The following NAV3 variants were observed in gnomAD, a reference collection of about 807,000 sequenced individuals.
The protein encoded by NAV3 is pore membrane and/or filament interacting like protein 1.
NAV3 carries 87 observed loss-of-function variants against 244.7 expected under a neutral mutation model. That is an observed-to-expected ratio of 0.36 (90% confidence interval 0.30 to 0.42). NAV3 has a LOEUF of 0.42. Ranked by LOEUF, NAV3 falls within the 20% of genes least tolerant of loss-of-function variation. NAV3 has a pLI of 1.00. For synonymous variants in NAV3, 1,126 were observed against 1,042.2 expected, an observed-to-expected ratio of 1.08 and a Z score of -1.55; for missense variants, 2,663 against 2,893.3, an observed-to-expected ratio of 0.92 and a Z score of 1.83.
intron 2 of NAV3, among the ~76,000 whole-genome samples, chr12:77,578,449 T>C (rs1869198563): frequency 6.6e-6 from 1 of 152,156 alleles, no homozygotes; most frequent in South Asian, 2.1e-4. Flanking sequence ...CTAACTCCCT[T>C]CCCAGTATTT....
intron 30 of NAV3, among the ~76,000 whole-genome samples, chr12:78,181,846 CAGA>C (rs1958512072): frequency 6.6e-6 from 1 of 151,882 alleles, no homozygotes; most frequent in African/African-American, 2.4e-5. Context: ...TATTAAAATA[CAGA>C]AGGAGAAGGA....
chr12:78,059,676 AT>A (rs34356750), intron 12 of NAV3, among the ~76,000 whole-genome samples: 17 of 151,276 alleles, frequency 1.1e-4, no homozygotes, highest in South Asian at 2.1e-4. Context: ...GGCTGGGGAG[AT>A]TTTTTTTTAA....
chr12:77,961,544 AT>A (rs1223558930), intron 3 of NAV3, among the ~76,000 whole-genome samples: 5 of 144,598 alleles, frequency 3.5e-5, no homozygotes, highest in Non-Finnish European at 4.5e-5. Flanking sequence ...ATATAACTGT[AT>A]ATGTAATATA....
At chr12:77,782,530 T>C (rs1310721793) in intron 2 of NAV3, among the ~76,000 whole-genome samples, 1 of 151,342 alleles carries the variant, frequency 6.6e-6, no homozygotes, top group Non-Finnish European at 1.5e-5. Flanking sequence ...TGACCAGTTA[T>C]AGTCATGATG....
chr12:78,007,420 G>A lies in NAV3; in HGVS notation c.1882G>A (p.Ala628Thr), dbSNP rs1348734842. ...GCAGCAACATAGCCACCCGAATACC[G>A]CGACAGTGGCACCATTCATTTACAG... ...QQQQHSHPNT[A>T]TVAPFIYRAH... is the part of the protein sequence containing the mutation. Residue 628 changes from alanine (A) to threonine (T), a missense_variant, in exon 8 of 40, where the codon GCG becomes ACG. Transcript: ENST00000397909. 1.9e-6 allele frequency: 3 copies of A among 1,613,714 alleles called. No individual in the cohort carries two copies. Among genetic ancestry groups the A allele is most frequent in the Non-Finnish European group, 2.5e-6 (3 of 1,179,882 alleles).
intron 1 of NAV3, among the ~76,000 whole-genome samples, chr12:77,895,955 TAA>T (rs755975061): frequency 0.027 from 2,870 of 104,522 alleles, 52 homozygotes; most frequent in African/African-American, 0.059. Context: ...CAATTTCCAG[TAA>T]AAAAAAAAAA....
chr12:77,740,842 G>C (rs1218256242), intron 2 of NAV3, among the ~76,000 whole-genome samples: 1 of 152,054 alleles, frequency 6.6e-6, no homozygotes, highest in Non-Finnish European at 1.5e-5. Context: ...TGATGAATTA[G>C]AAGTGGAAAA....
intron 7 of NAV3, among the ~76,000 whole-genome samples, chr12:78,001,145 A>T (rs1479423630): frequency 2.0e-5 from 3 of 152,170 alleles, no homozygotes; most frequent in Non-Finnish European, 2.9e-5. Context: ...ACTAGTTTGC[A>T]TATATAACTT....
chr12:78,187,356 T>TGG (rs1958767180), intron 31 of NAV3, among the ~76,000 whole-genome samples: 2 of 151,872 alleles, frequency 1.3e-5, no homozygotes. Context: ...GACTCAGTGA[T>TGG]TATTCTACCA....
At chr12:77,629,230 A>G (rs894606332) in intron 2 of NAV3, among the ~76,000 whole-genome samples, 1 of 152,226 alleles carries the variant, frequency 6.6e-6, no homozygotes. Flanking sequence ...CAAGATCCCA[A>G]CTGGCTTGGA....
At chr12:77,607,458 A>G (rs965097958) in intron 2 of NAV3, among the ~76,000 whole-genome samples, 1 of 152,120 alleles carries the variant, frequency 6.6e-6, no homozygotes, top group African/African-American at 2.4e-5. Flanking sequence ...TTTCAGATCC[A>G]AAATTTTTGC....
intron 2 of NAV3, among the ~76,000 whole-genome samples, chr12:77,590,490 C>A (rs1869855429): frequency 6.6e-6 from 1 of 151,998 alleles, no homozygotes; most frequent in Non-Finnish European, 1.5e-5. Flanking sequence ...CAGAGGGGAA[C>A]AACACACACT....
rs186881008 is a variant in NAV3 at position 77,951,313 on chromosome 12, G to A, written c.414+10180G>A. On this transcript the variant is annotated intron_variant, in intron 3 of 39. Coordinates refer to ENST00000397909, the MANE Select transcript of NAV3 (RefSeq NM_001024383.2). ...ATATTTATGCAGCCAACAGGCACAT[G>A]AAAAAATGTTCATCGTCACTGGCCA... Among the ~76,000 whole-genome samples, 233 of 152,296 alleles carry A rather than the reference G, an allele frequency of 1.5e-3. 1 individual carries two copies. The highest frequency in any genetic ancestry group is 5.5e-3 in the African/African-American group (227 of 41,558).
chr12:77,641,613 T>C (rs912465890), intron 2 of NAV3, among the ~76,000 whole-genome samples: 5 of 152,284 alleles, frequency 3.3e-5, no homozygotes, highest in South Asian at 4.1e-4. Context: ...AGTTCTTCTT[T>C]AGAAGCTTGT....
At chr12:77,629,785 C>T (rs1871803241) in intron 2 of NAV3, among the ~76,000 whole-genome samples, 1 of 152,114 alleles carries the variant, frequency 6.6e-6, no homozygotes, top group Admixed American at 6.5e-5. Context: ...TGACATTCTG[C>T]TTGCTACTTC....
intron 5 of NAV3, among the ~76,000 whole-genome samples, chr12:77,987,398 A>G (rs895199753): frequency 2.0e-5 from 3 of 152,248 alleles, no homozygotes; most frequent in Non-Finnish European, 4.4e-5. Context: ...AGTTGGTTGT[A>G]TAGTATAACC....
chr12:77,977,669 T>A (rs1868699497), intron 5 of NAV3, among the ~76,000 whole-genome samples: 1 of 147,556 alleles, frequency 6.8e-6, no homozygotes, highest in South Asian at 2.2e-4. Context: ...ATAAGAGTGT[T>A]TAGATAGGAG....
intron 9 of NAV3, among the ~76,000 whole-genome samples, chr12:78,035,873 G>A (rs17044789): frequency 0.038 from 5,712 of 152,250 alleles, 339 homozygotes; most frequent in African/African-American, 0.13. Flanking sequence ...CGGGTGGAGA[G>A]TGTCATGCTT....
intron 1 of NAV3, among the ~76,000 whole-genome samples, chr12:77,884,930 T>C (rs1883099892): frequency 6.6e-6 from 1 of 152,122 alleles, no homozygotes; most frequent in Non-Finnish European, 1.5e-5. Context: ...ATTTCTCCCA[T>C]TTTCAGAAAT....
Sources: allele counts gnomAD v4.1 joint callset (sites outside exome capture counted in the v4.1 genomes callset), GRCh38; gene constraint gnomAD v4.1.1; transcripts MANE v1.5; gene names NCBI Gene and HGNC (gene_info 2026-07-23, HGNC 2026-07-21).